Variants in TRHDE observed in about 807,000 individuals in gnomAD.
TRHDE encodes the protein thyrotropin releasing hormone degrading enzyme, also known as thyrotropin-releasing hormone-degrading ectoenzyme.
A neutral mutation model predicts 125.7 loss-of-function variants in TRHDE; 72 were observed. That is an observed-to-expected ratio of 0.57 (90% CI 0.47 to 0.70). The LOEUF is 0.70. Among genes scored for constraint, TRHDE ranks in the 30% least tolerant of loss-of-function variants. The pLI, the probability that TRHDE is intolerant of heterozygous loss-of-function variation, is 0.00. For synonymous variants in TRHDE, 509 were observed against 509.1 expected, an observed-to-expected ratio of 1.00 and a Z score of 0.00; for missense variants, 1,110 against 1,327.1, an observed-to-expected ratio of 0.84 and a Z score of 2.54.
intron 2 of TRHDE, among the ~76,000 whole-genome samples, chr12:72,325,490 T>C (rs1219216746): frequency 1.3e-5 from 2 of 152,144 alleles, no homozygotes; most frequent in African/African-American, 4.8e-5. Context: ...TGGAATTTGA[T>C]GTTTTAGGAA....
intron 12 of TRHDE, among the ~76,000 whole-genome samples, chr12:72,614,124 T>A (rs996575): frequency 0.41 from 61,660 of 150,960 alleles, 14,636 homozygotes; most frequent in African/African-American, 0.66. Context: ...ACAAAGGGGG[T>A]TCTGCCCTCA....
chr12:72,096,166 CAT>C (rs1874917023), intron 1 of TRHDE, among the ~76,000 whole-genome samples: 1 of 151,554 alleles, frequency 6.6e-6, no homozygotes, highest in Non-Finnish European at 1.5e-5. Flanking sequence ...CACACACACA[CAT>C]ATCCTATTGG....
chr12:72,644,827 G>A (rs1874214785), intron 15 of TRHDE, among the ~76,000 whole-genome samples: 1 of 152,180 alleles, frequency 6.6e-6, no homozygotes, highest in Non-Finnish European at 1.5e-5. Flanking sequence ...TTGGCATTCT[G>A]ATGGGCCTGG....
At chr12:72,363,304 G>A (rs147695193) in intron 2 of TRHDE, among the ~76,000 whole-genome samples, 16,113 of 73,922 alleles carry the variant, frequency 0.22, 1,145 homozygotes, top group African/African-American at 0.26. Context: ...CCAAAGCTGG[G>A]CAGAGACACA....
intron 2 of TRHDE, among the ~76,000 whole-genome samples, chr12:72,158,636 A>G (rs1876570385): frequency 6.6e-6 from 1 of 152,186 alleles, no homozygotes; most frequent in Admixed American, 6.5e-5. Context: ...AGTAAAGACT[A>G]TTCATCTTTT....
chr12:72,534,920 G>A (rs1868775637), intron 6 of TRHDE, among the ~76,000 whole-genome samples: 1 of 152,060 alleles, frequency 6.6e-6, no homozygotes. Flanking sequence ...CTTAACCAGT[G>A]TAGAAGCTGA....
chr12:72,472,955 T>G, intron 4 of TRHDE, 112 bp from the exon 5 acceptor site: 2 of 850,274 alleles, frequency 2.4e-6, no homozygotes, highest in Non-Finnish European at 3.7e-6. Flanking sequence ...CAAAATCAAC[T>G]GGGGAATGAA....
At chr12:72,146,261 C>T (rs976923206) in intron 2 of TRHDE, among the ~76,000 whole-genome samples, 17 of 152,086 alleles carry the variant, frequency 1.1e-4, no homozygotes, top group African/African-American at 3.4e-4. Context: ...CATCCTTGTC[C>T]GTGTTTCCTC....
At chr12:72,192,489 C>T (rs1213762210) in intron 2 of TRHDE, among the ~76,000 whole-genome samples, 3 of 151,882 alleles carry the variant, frequency 2.0e-5, no homozygotes, top group Non-Finnish European at 2.9e-5. Flanking sequence ...TTACAAAAGT[C>T]GAAAGAAGGC....
chr12:72,169,493 T>C (rs1302546531), intron 2 of TRHDE, among the ~76,000 whole-genome samples: 1 of 152,128 alleles, frequency 6.6e-6, no homozygotes, highest in Admixed American at 6.6e-5. Flanking sequence ...TCCTGGCTGG[T>C]AGATGGATTT....
intron 2 of TRHDE, among the ~76,000 whole-genome samples, chr12:72,147,348 AT>A (rs373886124): frequency 1.8e-3 from 273 of 152,172 alleles, no homozygotes; most frequent in African/African-American, 6.0e-3. Flanking sequence ...GTTTCCTCTC[AT>A]TTGTGGACTG....
chr12:72,429,962 T>C (rs569326211), intron 3 of TRHDE, among the ~76,000 whole-genome samples: 1 of 152,094 alleles, frequency 6.6e-6, no homozygotes, highest in Non-Finnish European at 1.5e-5. Flanking sequence ...CTGTGGGTTG[T>C]CTTTTCACTT....
chr12:72,653,136 A>G lies in TRHDE; in HGVS notation c.2964A>G (p.Lys988=). ...TTGCCTGGAAGTTTTTCAGGGATAA[A>G]TGGAAGATATTAAATACCAGGTAGA... ...RDLAWKFFRD[K]WKILNTRYGE... Residue 988 remains lysine, a synonymous_variant, in exon 17 of 19, where the codon AAA becomes AAG. Transcript: ENST00000261180. 1.2e-6 allele frequency: 2 copies of G among 1,609,438 alleles called. No homozygotes were observed. The highest frequency in any genetic ancestry group is 2.7e-5 in the African/African-American group (2 of 74,826).
chr12:72,434,793 A>C (rs1345676904), intron 3 of TRHDE, among the ~76,000 whole-genome samples: 1 of 151,990 alleles, frequency 6.6e-6, no homozygotes, highest in African/African-American at 2.4e-5. Context: ...ATCTCTGTCC[A>C]CTCCCAACAC....
intron 2 of TRHDE, among the ~76,000 whole-genome samples, chr12:72,230,077 T>C (rs1878217181): frequency 6.6e-6 from 1 of 152,198 alleles, no homozygotes; most frequent in Non-Finnish European, 1.5e-5. Flanking sequence ...ACAAAACTCC[T>C]GAGTTATCAA....
intron 2 of TRHDE, among the ~76,000 whole-genome samples, chr12:72,367,818 T>C (rs1179810819): frequency 6.6e-6 from 1 of 152,200 alleles, no homozygotes; most frequent in East Asian, 1.9e-4. Context: ...GTAAATGTAT[T>C]GTTATAGTGG....
At chr12:72,545,370 T>A (rs996472361) in intron 7 of TRHDE, among the ~76,000 whole-genome samples, 1 of 151,540 alleles carries the variant, frequency 6.6e-6, no homozygotes. Context: ...TCACTAGACC[T>A]CTCTTGACCT....
At chr12:72,589,618 T>G (rs985789223) in intron 12 of TRHDE, among the ~76,000 whole-genome samples, 1 of 152,196 alleles carries the variant, frequency 6.6e-6, no homozygotes, top group Non-Finnish European at 1.5e-5. Flanking sequence ...ATAGAGCTGT[T>G]CAAATTTTGT....
chr12:72,117,681 T>C (rs917722367), intron 2 of TRHDE, among the ~76,000 whole-genome samples: 4 of 152,158 alleles, frequency 2.6e-5, no homozygotes, highest in African/African-American at 9.6e-5. Context: ...ATGGACATTT[T>C]AATAATATTT....
Sources: gnomAD v4.1 joint callset for allele counts (sites outside exome capture counted in the v4.1 genomes callset) on GRCh38, gnomAD v4.1.1 for gene constraint, MANE v1.5 for transcripts, NCBI Gene and HGNC (gene_info 2026-07-23, HGNC 2026-07-21) for gene names.